The following EXOC4 variants were observed in gnomAD, a reference collection of about 807,000 sequenced individuals.
EXOC4 encodes SEC8-like 1.
A neutral mutation model predicts 107.2 loss-of-function variants in EXOC4; 71 were observed. The ratio of observed to expected loss-of-function variants is 0.66; its 90% CI spans 0.55 to 0.81. EXOC4 has a LOEUF of 0.81. Ranked by LOEUF, EXOC4 falls within the 30% of genes least tolerant of loss-of-function variation. EXOC4 has a pLI of 0.00. For synonymous variants in EXOC4, 456 were observed against 441.2 expected, an observed-to-expected ratio of 1.03 and a Z score of -0.42; for missense variants, 1,108 against 1,189.6, an observed-to-expected ratio of 0.93 and a Z score of 1.01.
At position 133,718,092 on chromosome 7, in the gene EXOC4, A is replaced by G. The variant is rs1309201539; in HGVS notation, c.1514+87951A>G. Among the ~76,000 whole-genome samples, 3 of 152,174 alleles carry G rather than the reference A, an allele frequency of 2.0e-5. No homozygotes were observed. In the East Asian group the frequency reaches 5.8e-4, roughly 29 times the overall value. The stretch of plus-strand genomic sequence containing the variant: ...CATTCATCATGCACCAGAGTTCAAC[A>G]CTGATTGCCCGCCTCACCCAGCGTG... On this transcript the variant is annotated intron_variant, in intron 10 of 17. Transcript: ENST00000253861.
At chr7:133,591,060 G>A (rs1466676264) in intron 9 of EXOC4, among the ~76,000 whole-genome samples, 1 of 152,192 alleles carries the variant, frequency 6.6e-6, no homozygotes, top group African/African-American at 2.4e-5. Context: ...TTCCTGTGAG[G>A]GGTTGAGGGC....
At chr7:133,358,814 A>G (rs1796078587) in intron 6 of EXOC4, among the ~76,000 whole-genome samples, 1 of 151,978 alleles carries the variant, frequency 6.6e-6, no homozygotes, top group African/African-American at 2.4e-5. Context: ...AACCCCTTCC[A>G]GAATTCACGA....
At chr7:133,896,388 G>T (rs1799308264) in intron 12 of EXOC4, among the ~76,000 whole-genome samples, 1 of 152,098 alleles carries the variant, frequency 6.6e-6, no homozygotes, top group South Asian at 2.1e-4. Context: ...GGGAAGAAAA[G>T]AATGTATAAT....
chr7:133,541,376 T>G (rs920948749), intron 9 of EXOC4, among the ~76,000 whole-genome samples: 1 of 152,210 alleles, frequency 6.6e-6, no homozygotes, highest in African/African-American at 2.4e-5. Context: ...TAGAAACTGT[T>G]GGCTGTAAAC....
intron 2 of EXOC4, among the ~76,000 whole-genome samples, chr7:133,283,209 C>T (rs1794198550): frequency 6.6e-6 from 1 of 152,090 alleles, no homozygotes; most frequent in African/African-American, 2.4e-5. Flanking sequence ...CTCAGGCGAT[C>T]CTCCCACCTC....
intron 9 of EXOC4, among the ~76,000 whole-genome samples, chr7:133,607,872 G>A (rs773268649): frequency 1.8e-4 from 27 of 152,046 alleles, no homozygotes; most frequent in Non-Finnish European, 3.4e-4. Context: ...TTTCAGAAAA[G>A]CAAAGAAGCA....
intron 17 of EXOC4, among the ~76,000 whole-genome samples, chr7:134,035,347 A>G (rs1795365626): frequency 6.6e-6 from 1 of 152,036 alleles, no homozygotes; most frequent in African/African-American, 2.4e-5. Context: ...GCCTGGCCAA[A>G]AAGTTTTCTT....
At chr7:134,062,329 A>T (rs1796082862) in intron 17 of EXOC4, among the ~76,000 whole-genome samples, 1 of 152,212 alleles carries the variant, frequency 6.6e-6, no homozygotes, top group South Asian at 2.1e-4. Context: ...AAGACACCAC[A>T]ACTCTTCCTG....
At chr7:133,756,399 C>G (rs1237544217) in intron 10 of EXOC4, among the ~76,000 whole-genome samples, 1 of 152,176 alleles carries the variant, frequency 6.6e-6, no homozygotes, top group African/African-American at 2.4e-5. Context: ...CTTTCATTAT[C>G]TCACCTGTAG....
chr7:133,865,067 A>T (rs1336573848), intron 11 of EXOC4, among the ~76,000 whole-genome samples: 1 of 152,228 alleles, frequency 6.6e-6, no homozygotes, highest in Non-Finnish European at 1.5e-5. Flanking sequence ...AAGGATTATT[A>T]TACATGTAAT....
intron 11 of EXOC4, among the ~76,000 whole-genome samples, chr7:133,859,796 T>C (rs1019909203): frequency 2.0e-5 from 3 of 152,192 alleles, no homozygotes; most frequent in Non-Finnish European, 4.4e-5. Context: ...TTTAATGTCT[T>C]CAATGTACAG....
intron 3 of EXOC4, among the ~76,000 whole-genome samples, chr7:133,299,788 A>G (rs1222627601): frequency 6.6e-6 from 1 of 152,110 alleles, no homozygotes; most frequent in Non-Finnish European, 1.5e-5. Context: ...TGTAAATTCC[A>G]TTATCTCCCT....
chr7:133,549,804 TG>T lies in EXOC4; in HGVS notation c.1417+69668del, dbSNP rs1263976778. On this transcript the variant is annotated intron_variant, in intron 9 of 17. Coordinates refer to ENST00000253861, the MANE Select transcript of EXOC4 (RefSeq NM_021807.4). ...TCTTGGCAGATGTCATGTTGAAATCTGGAACATGACTTTAAGCCTAGATTTC... is the reference window on the plus strand; with the variant it reads ...TCTTGGCAGATGTCATGTTGAAATCTGAACATGACTTTAAGCCTAGATTTC... Among the ~76,000 whole-genome samples the T allele has an allele frequency of 1.4e-4, 21 of 152,324 alleles. No individual in the cohort carries two copies. In the East Asian group the frequency reaches 4.0e-3, roughly 29 times the overall value.
In EXOC4 at chr7:133,693,630, C is replaced by T. The variant is rs1309960460; in HGVS notation, c.1514+63489C>T. Among the ~76,000 whole-genome samples, 11 of 152,088 alleles carry T rather than the reference C, an allele frequency of 7.2e-5. No homozygotes were observed. In the East Asian group the frequency reaches 1.7e-3, roughly 24 times the overall value. On this transcript the variant is annotated intron_variant, in intron 10 of 17. Transcript: ENST00000253861. ...AACCCAGGCAATCTGATTCCAGGGCCCACTCTCTTGATAATCACATGGATT... is the reference window on the plus strand; with the variant it reads ...AACCCAGGCAATCTGATTCCAGGGCTCACTCTCTTGATAATCACATGGATT...
chr7:133,479,623 C>T, intron 8 of EXOC4: 1 of 183,366 alleles, frequency 5.5e-6, no homozygotes, highest in African/African-American at 2.3e-5. Context: ...ATGAGTTCTG[C>T]TCTGAGGAGC....
intron 17 of EXOC4, among the ~76,000 whole-genome samples, chr7:134,061,324 A>G (rs542950118): frequency 2.6e-5 from 4 of 152,254 alleles, no homozygotes; most frequent in Non-Finnish European, 4.4e-5. Context: ...AGTGAAAAGC[A>G]TCACAAACCT....
intron 11 of EXOC4, among the ~76,000 whole-genome samples, chr7:133,872,275 A>T (rs1798766701): frequency 1.3e-5 from 2 of 152,216 alleles, no homozygotes; most frequent in African/African-American, 4.8e-5. Flanking sequence ...AATGCATAGA[A>T]AGTTCCCATT....
At chr7:134,042,323 A>T (rs1175586047) in intron 17 of EXOC4, among the ~76,000 whole-genome samples, 3 of 152,222 alleles carry the variant, frequency 2.0e-5, no homozygotes, top group Non-Finnish European at 4.4e-5. Context: ...ATTACAAAGC[A>T]CAATAAAGCT....
At chr7:133,414,045 C>A (rs928273696) in intron 7 of EXOC4, among the ~76,000 whole-genome samples, 1 of 152,028 alleles carries the variant, frequency 6.6e-6, no homozygotes, top group Admixed American at 6.5e-5. Context: ...AAATGATAGA[C>A]CACAGACTGG....
Sources: allele counts gnomAD v4.1 joint callset (sites outside exome capture counted in the v4.1 genomes callset), GRCh38; gene constraint gnomAD v4.1.1; transcripts MANE v1.5; gene names NCBI Gene and HGNC (gene_info 2026-07-23, HGNC 2026-07-21).